AVIL: variants seen among roughly 807,000 people sequenced by gnomAD.
AVIL encodes advillin.
A neutral mutation model predicts 109.9 loss-of-function variants in AVIL; 78 were observed. The observed-to-expected ratio is 0.71, with a 90% confidence interval of 0.59 to 0.86. The LOEUF (loss-of-function observed/expected upper bound fraction) is 0.86. Ranked by LOEUF, AVIL falls within the 40% of genes least tolerant of loss-of-function variation. The probability of loss-of-function intolerance (pLI) is 0.00; values close to 1 mark genes in which losing one functional copy is unlikely to be tolerated. For synonymous variants in AVIL, 367 were observed against 379.1 expected, an observed-to-expected ratio of 0.97 and a Z score of 0.37; for missense variants, 892 against 1,016.5, an observed-to-expected ratio of 0.88 and a Z score of 1.67.
chr12:57,806,392 T>C lies in AVIL; in HGVS notation c.1639A>G (p.Thr547Ala). 2 of 1,613,594 alleles carry C rather than the reference T, an allele frequency of 1.2e-6. No homozygotes were observed. Among genetic ancestry groups the C allele is most frequent in the East Asian group, 2.2e-5 (1 of 44,850 alleles). Residue 547 changes from threonine (T) to alanine (A), a missense_variant, in exon 14 of 20, where the codon ACT becomes GCT. Physicochemically the swap from Thr to Ala is moderately conservative, Grantham distance 58. Coordinates refer to ENST00000549994, the MANE Select transcript of AVIL (RefSeq NM_006576.4). ...LNSNDVFLLR[T>A]QAEHYLWYGK... ...TACCACAGGTAGTGCTCTGCCTGAG[T>C]TCGCAGCAGAAAGACATCATTGGAG...
chr12:57,808,447 T>C lies in AVIL; in HGVS notation c.1041A>G (p.Ser347=), dbSNP rs745735483. The change falls in exon 10 of 20, where the codon TCA becomes TCG. Residue 347 remains serine (S), a synonymous_variant. Coordinates refer to ENST00000549994, the MANE Select transcript of AVIL (RefSeq NM_006576.4). ...CCAGGCCCATGGTCTGGTCCTTTAC[T>C]GACCACTTCTGGAACAGCTGCTTGA... ...AMFKQLFQKW[S]VKDQTMGLGK... 1 of 1,614,186 alleles carries C rather than the reference T, an allele frequency of 6.2e-7. No homozygotes were observed. The highest frequency in any genetic ancestry group is 8.5e-7 in the Non-Finnish European group (1 of 1,180,012).
In AVIL at chr12:57,814,152, C is replaced by T. The variant is rs146606222; in HGVS notation, c.141G>A (p.Ser47=). Residue 47 remains serine, a splice_region_variant and synonymous_variant, in exon 3 of 20, where the codon TCG becomes TCA. Transcript: ENST00000549994. ...CAGGAGTGGGGAGGAGGGTGCTCAC[C>T]GAGAGGATGACGTAGCAGTCCCCCT... ...FYEGDCYVIL[S]TRRVASLLSQ... is the part of the protein sequence containing the mutation. 11 of 1,612,840 alleles carry T rather than the reference C, an allele frequency of 6.8e-6. No individual in the cohort carries two copies. Among genetic ancestry groups the T allele is most frequent in the South Asian group, 1.1e-5 (1 of 90,712 alleles).
intron 2 of AVIL, chr12:57,814,848 G>C (rs1956080984): frequency 6.6e-6 from 1 of 152,538 alleles, no homozygotes; most frequent in Admixed American, 6.5e-5. Flanking sequence ...CACTCCCCAA[G>C]TGAGGGAAAC....
rs781165415 is a variant in AVIL at position 57,811,136 on chromosome 12, A to G, written c.339-9T>C. 5.0e-6 allele frequency: 8 copies of G among 1,613,564 alleles called. No individual in the cohort carries two copies. In the South Asian group the frequency reaches 7.7e-5, roughly 16 times the overall value. On this transcript the variant is annotated splice_polypyrimidine_tract_variant and intron_variant, in intron 4 of 19. Transcript: ENST00000549994. ...CACCCCCCTGCTTGTAGCTAAGGGA[A>G]CATCCATTCAGTTATTTGAGTGCCT... is the stretch of plus-strand genomic sequence containing the variant.
At chr12:57,801,261 AG>A in intron 17 of AVIL, 49 bp from the exon 18 acceptor site, 1 of 1,500,878 alleles carries the variant, frequency 6.7e-7, no homozygotes, top group Non-Finnish European at 9.3e-7. Context: ...CTTATAGGGG[AG>A]GGACATCTTA....
chr12:57,812,640 G>A (rs146831362), intron 4 of AVIL, among the ~76,000 whole-genome samples: 14 of 152,340 alleles, frequency 9.2e-5, no homozygotes, highest in East Asian at 3.9e-4. Flanking sequence ...GATTACAGGC[G>A]TAAGCCACCA....
chr12:57,797,407 G>A lies in AVIL; in HGVS notation c.*475C>T. 2 of 985,396 alleles carry A rather than the reference G, an allele frequency of 2.0e-6. No individual in the cohort carries two copies. The highest frequency in any genetic ancestry group is 2.4e-6 in the Non-Finnish European group (2 of 829,934). The allele number at this position is 985,396 out of a possible 1,614,324, so 61.0% of individuals were successfully genotyped here. On this transcript the variant is annotated 3_prime_UTR_variant, in exon 20 of 20. Coordinates refer to ENST00000549994, the MANE Select transcript of AVIL (RefSeq NM_006576.4). ...CATTATAGGTATCTTTATTTGAAAA[G>A]TGAAAAATGCTTTGACACATTACAG...
At chr12:57,816,212 A>G in intron 1 of AVIL, 153 bp from the exon 2 acceptor site, 1 of 632,294 alleles carries the variant, frequency 1.6e-6, no homozygotes, top group South Asian at 2.0e-5. Context: ...GATGGGGGCA[A>G]GGACTTGTCC....
intron 19 of AVIL, among the ~76,000 whole-genome samples, chr12:57,799,248 G>A (rs1047283675): frequency 6.6e-6 from 1 of 152,198 alleles, no homozygotes; most frequent in Non-Finnish European, 1.5e-5. Flanking sequence ...ACGAACACTA[G>A]CAAGTGTAAA....
intron 2 of AVIL, chr12:57,815,485 C>G: frequency 1.0e-6 from 1 of 984,050 alleles, no homozygotes; most frequent in South Asian, 1.7e-5. Flanking sequence ...TGGTTCCCAG[C>G]TATGGATTGC....
Position 57,813,461 on chromosome 12 carries a change from T to C in AVIL, c.142-38A>G, listed in dbSNP as rs760717510. ...CAGAGAGATCAGGTCAGAGGCCAGC[T>C]CACCTCCCCTTTGCTGCTGGCCCCT... On this transcript the variant is annotated intron_variant, in intron 3 of 19. Transcript: ENST00000549994. 3 of 1,585,024 alleles carry C rather than the reference T, an allele frequency of 1.9e-6. No individual in the cohort carries two copies. In the Admixed American group the frequency reaches 5.1e-5, roughly 27 times the overall value.
intron 19 of AVIL, among the ~76,000 whole-genome samples, chr12:57,798,248 T>C (rs1955775521): frequency 6.6e-6 from 1 of 152,230 alleles, no homozygotes; most frequent in Admixed American, 6.5e-5. Context: ...AGCGCCAGTT[T>C]CTTGCCAGAA....
chr12:57,801,141 C>T lies in AVIL; in HGVS notation c.2220+3G>A, dbSNP rs779072431. 10 of 1,613,300 alleles carry T rather than the reference C, an allele frequency of 6.2e-6. No individual in the cohort carries two copies. The East Asian group carries it at 1.8e-4, about 29-fold the overall frequency. On this transcript the variant is annotated splice_donor_region_variant and intron_variant, in intron 18 of 19. Transcript: ENST00000549994. ...GCTTCTCCCAAGAGCGAACCCGACT[C>T]ACAGCAGTGATTCGCATGATAGCAG... is the stretch of plus-strand genomic sequence containing the variant.
chr12:57,812,447 C>T (rs570043380), intron 4 of AVIL, among the ~76,000 whole-genome samples: 9 of 152,164 alleles, frequency 5.9e-5, no homozygotes, highest in Admixed American at 2.6e-4. Flanking sequence ...GTGCAACCTT[C>T]GCCTCCTGGG....
intron 1 of AVIL, among the ~76,000 whole-genome samples, chr12:57,817,718 G>T (rs764417166): frequency 6.6e-6 from 1 of 152,088 alleles, no homozygotes; most frequent in South Asian, 2.1e-4. Context: ...AACCTGTCCC[G>T]TTTCCCAGCA....
At chr12:57,801,082 G>C in intron 18 of AVIL, 62 bp downstream of exon 18, 1 of 1,388,590 alleles carries the variant, frequency 7.2e-7, no homozygotes, top group Non-Finnish European at 1.0e-6. Flanking sequence ...TGTAGCATTT[G>C]TGTGTTCTCT....
At position 57,807,409 on chromosome 12, in the gene AVIL, A is replaced by G. The variant is rs765814156; in HGVS notation, c.1413T>C (p.Ala471=). Residue 471 remains alanine (A), a synonymous_variant, in exon 13 of 20, where the codon GCT becomes GCC. Transcript: ENST00000549994. ...TTCCCATCCTGACTCGAACCTGCACAGCAGCCCCATCAAACTGCCGATCCA... is the reference window on the plus strand; with the variant it reads ...TTCCCATCCTGACTCGAACCTGCACGGCAGCCCCATCAAACTGCCGATCCA... ...VEVDRQFDGA[A]VQVRVRMGTE... 1.2e-6 allele frequency: 2 copies of G among 1,614,116 alleles called. No homozygotes were observed. The highest frequency in any genetic ancestry group is 1.3e-5 in the African/African-American group (1 of 74,940).
In AVIL at chr12:57,802,150, C is replaced by G. The variant is rs2140439556; in HGVS notation, c.2151+10G>C. The G allele has an allele frequency of 6.2e-7, 1 of 1,613,608 alleles. No homozygotes were observed. The highest frequency in any genetic ancestry group is 2.2e-5 in the East Asian group (1 of 44,888). ...CAGGAAGTTAGAGCTTCCCTACTCTCTTTTCTTACACTCCAAATGTTAGGG... is the reference window on the plus strand; with the variant it reads ...CAGGAAGTTAGAGCTTCCCTACTCTGTTTTCTTACACTCCAAATGTTAGGG... On this transcript the variant is annotated intron_variant, in intron 17 of 19. Coordinates refer to ENST00000549994, the MANE Select transcript of AVIL (RefSeq NM_006576.4).
chr12:57,809,995 G>A, intron 7 of AVIL, 105 bp from the exon 8 acceptor site: 1 of 1,164,696 alleles, frequency 8.6e-7, no homozygotes, highest in African/African-American at 1.5e-5. Context: ...TCTAGGTAGA[G>A]TGTGACTGCC....
Sources: gnomAD v4.1 joint callset for allele counts (sites outside exome capture counted in the v4.1 genomes callset) on GRCh38, gnomAD v4.1.1 for gene constraint, MANE v1.5 for transcripts, NCBI Gene and HGNC (gene_info 2026-07-23, HGNC 2026-07-21) for gene names.